The following ENDOV variants were observed in gnomAD, a reference collection of about 807,000 sequenced individuals.
ENDOV encodes the protein hEndoV.
ENDOV carries 37 observed loss-of-function variants against 39.4 expected under a neutral mutation model. The observed-to-expected ratio is 0.94, with a 90% CI of 0.72 to 1.23. The LOEUF (loss-of-function observed/expected upper bound fraction) is 1.23, where lower values mean the gene tolerates loss of function less well. Ranked by LOEUF, ENDOV falls within the 50% of genes most tolerant of loss-of-function variation. The probability of loss-of-function intolerance (pLI) is 0.00; values close to 1 mark genes in which losing one functional copy is unlikely to be tolerated. For missense variants in ENDOV, 441 were observed against 375.7 expected, an observed-to-expected ratio of 1.17 and a Z score of -1.44; for synonymous variants, 186 against 163.4, an observed-to-expected ratio of 1.14 and a Z score of -1.05.
chr17:80,432,277 G>A (rs563159886), intron 9 of ENDOV, among the ~76,000 whole-genome samples: 1 of 152,274 alleles, frequency 6.6e-6, no homozygotes, highest in South Asian at 2.1e-4. Flanking sequence ...GCATGGGGTG[G>A]TGGAGTCCAG....
chr17:80,418,054 A>T (rs983460404), intron 2 of ENDOV: 6 of 152,126 alleles, frequency 3.9e-5, no homozygotes, highest in Non-Finnish European at 7.3e-5. Flanking sequence ...TAAGATTGGG[A>T]TATTCAGCAG....
At chr17:80,435,848 C>G (rs2083562865) in intron 9 of ENDOV, among the ~76,000 whole-genome samples, 1 of 151,664 alleles carries the variant, frequency 6.6e-6, no homozygotes, top group Non-Finnish European at 1.5e-5. Context: ...GATCTCCTGA[C>G]CTCGTGATCC....
intron 2 of ENDOV, chr17:80,419,830 C>G (rs2081752526): frequency 1.6e-6 from 1 of 614,532 alleles, no homozygotes; most frequent in South Asian, 1.9e-5. Flanking sequence ...CTAGACCTAA[C>G]TGTCACCCAC....
chr17:80,422,941 C>T (rs1415969360), intron 4 of ENDOV, among the ~76,000 whole-genome samples: 1 of 152,104 alleles, frequency 6.6e-6, no homozygotes, highest in Non-Finnish European at 1.5e-5. Flanking sequence ...CCTCGTGATC[C>T]GCCTGCCTCG....
chr17:80,433,265 G>C (rs1313154457), intron 9 of ENDOV: 6 of 517,588 alleles, frequency 1.2e-5, no homozygotes, highest in Non-Finnish European at 2.3e-5. Flanking sequence ...ATGTGGTGGG[G>C]GATATTCCAC....
intron 6 of ENDOV, 82 bp downstream of exon 6, chr17:80,425,182 G>C: frequency 2.4e-6 from 3 of 1,251,090 alleles, no homozygotes; most frequent in Non-Finnish European, 3.4e-6. Flanking sequence ...ATGCAGACAC[G>C]CGTGCACTCA....
chr17:80,419,794 A>G, intron 2 of ENDOV: 1 of 658,654 alleles, frequency 1.5e-6, no homozygotes, highest in East Asian at 2.7e-5. Flanking sequence ...CAAATGCAGG[A>G]ACTTGGATGT....
Position 80,415,268 on chromosome 17 carries a change from C to T in ENDOV, c.56+18C>T, listed in dbSNP as rs369008205. The T allele has an allele frequency of 8.1e-6, 13 of 1,612,706 alleles. No homozygotes were observed. The Middle Eastern group carries it at 5.0e-4, about 62-fold the overall frequency. Reference sequence around the variant, plus strand: ...TGGAAACGGTAATGCTGTCAGGCGACGCGCAGGAGGCGGGGGCCGAGGCCG... The same window carrying T: ...TGGAAACGGTAATGCTGTCAGGCGATGCGCAGGAGGCGGGGGCCGAGGCCG... On this transcript the variant is annotated intron_variant, in intron 1 of 9. Coordinates refer to ENST00000518137, the MANE Select transcript of ENDOV (RefSeq NM_173627.5).
At chr17:80,422,736 G>C (rs2082211096) in intron 4 of ENDOV, among the ~76,000 whole-genome samples, 1 of 151,954 alleles carries the variant, frequency 6.6e-6, no homozygotes, top group Non-Finnish European at 1.5e-5. Flanking sequence ...GTCTCGCTCT[G>C]TCGCCCAGGC....
chr17:80,430,464 G>C, intron 9 of ENDOV: 2 of 1,134,074 alleles, frequency 1.8e-6, no homozygotes, highest in Admixed American at 2.4e-5. Flanking sequence ...CAGGTCCTCA[G>C]CCCCAGCCAC....
At chr17:80,424,199 C>G (rs972980450) in intron 5 of ENDOV, 7 of 399,406 alleles carry the variant, frequency 1.8e-5, no homozygotes, top group African/African-American at 1.4e-4. Context: ...ATGGCAGATT[C>G]TGAGAGCAGA....
At chr17:80,424,911 C>T (rs900992967) in intron 5 of ENDOV, 121 bp from the exon 6 acceptor site, 32 of 772,918 alleles carry the variant, frequency 4.1e-5, no homozygotes, top group Non-Finnish European at 4.7e-5. Context: ...GCTGAGATCG[C>T]GCCACTGTAC....
chr17:80,425,000 T>A, intron 5 of ENDOV, 32 bp from the exon 6 acceptor site: 1 of 1,588,680 alleles, frequency 6.3e-7, no homozygotes, highest in Non-Finnish European at 8.6e-7. Flanking sequence ...AAGAGAGGGG[T>A]TTTTTTCCCC....
intron 7 of ENDOV, chr17:80,427,758 T>C: frequency 3.1e-6 from 4 of 1,289,272 alleles, no homozygotes; most frequent in African/African-American, 1.5e-5. Flanking sequence ...CGCCGGGCCG[T>C]CTTGGTGGCC....
At chr17:80,428,511 A>T in intron 7 of ENDOV, 85 bp from the exon 8 acceptor site, 2 of 1,335,852 alleles carry the variant, frequency 1.5e-6, no homozygotes, top group South Asian at 1.3e-5. Flanking sequence ...TCTGTGGGGG[A>T]TGGAGGCATT....
At chr17:80,417,602 T>G (rs1039325268) in intron 2 of ENDOV, 1 of 152,194 alleles carries the variant, frequency 6.6e-6, no homozygotes, top group African/African-American at 2.4e-5. Flanking sequence ...CACATGGTGA[T>G]CCACTCACCT....
intron 9 of ENDOV, among the ~76,000 whole-genome samples, chr17:80,434,766 T>TGA (rs2083506734): frequency 6.6e-6 from 1 of 152,140 alleles, no homozygotes; most frequent in Admixed American, 6.5e-5. Context: ...GGCAACATAG[T>TGA]GAGACCTCAT....
At chr17:80,422,315 T>TC in intron 4 of ENDOV, 70 bp downstream of exon 4, 1 of 1,567,424 alleles carries the variant, frequency 6.4e-7, no homozygotes, top group Non-Finnish European at 8.7e-7. Flanking sequence ...ACCTCTGTCG[T>TC]CCCCCACAGA....
In ENDOV at chr17:80,415,786, G is replaced by A; in HGVS notation, c.193G>A (p.Ala65Thr). 6.2e-7 allele frequency: 1 copy of A among 1,603,150 alleles called. No homozygotes were observed. Among genetic ancestry groups the A allele is most frequent in the Non-Finnish European group, 8.5e-7 (1 of 1,174,996 alleles). Residue 65 changes from alanine (A) to threonine (T), a missense_variant, in exon 2 of 10, where the codon GCT (alanine) becomes ACT (threonine). By Grantham distance (58) the Ala-to-Thr change is moderately conservative. Transcript: ENST00000518137. Reference protein sequence around the residue: ...FVKGDSVRACASLVVLSFPEL... With the variant: ...FVKGDSVRACTSLVVLSFPEL... ...GAAAGGGGACAGTGTCCGCGCTTGT[G>A]CTTCCCTGGTGGTGCTCAGCTTCCC... is the stretch of plus-strand genomic sequence containing the variant.
Sources: gnomAD v4.1 joint callset for allele counts (sites outside exome capture counted in the v4.1 genomes callset) on GRCh38, gnomAD v4.1.1 for gene constraint, MANE v1.5 for transcripts, NCBI Gene and HGNC (gene_info 2026-07-23, HGNC 2026-07-21) for gene names.